The following FAAH2 variants were observed in gnomAD, a reference collection of about 807,000 sequenced individuals.
FAAH2 encodes the protein fatty acid amide hydrolase 2.
Under a neutral mutation model 36.9 loss-of-function variants are expected in FAAH2, and 60 were observed. The observed-to-expected ratio is 1.63, with a 90% CI of 1.32 to 2.02. The LOEUF (loss-of-function observed/expected upper bound fraction) is 2.02, where lower values mean the gene tolerates loss of function less well. Among genes scored for constraint, FAAH2 ranks in the 30% most tolerant of loss-of-function variants. The pLI, the probability that FAAH2 is intolerant of heterozygous loss-of-function variation, is 0.00. For missense variants in FAAH2, 689 were observed against 397.5 expected, an observed-to-expected ratio of 1.73 and a Z score of -6.23; for synonymous variants, 214 against 143.8, an observed-to-expected ratio of 1.49 and a Z score of -3.49.
intron 7 of FAAH2, among the ~76,000 whole-genome samples, chrX:57,381,362 A>C (rs1447846665): frequency 8.9e-6 from 1 of 111,826 alleles, no homozygotes; most frequent in Non-Finnish European, 1.9e-5. Context: ...TAGAGACAAC[A>C]TTATATATGC....
chrX:57,362,795 G>T (rs1419028902), intron 5 of FAAH2, among the ~76,000 whole-genome samples: 2 of 111,943 alleles, frequency 1.8e-5, no homozygotes, highest in Non-Finnish European at 3.8e-5. Flanking sequence ...TTTTGCACAT[G>T]ACTAGCCAGT....
chrX:57,259,159 T>C, the FAAH2 span, among the ~76,000 whole-genome samples: 1 of 111,748 alleles, frequency 8.9e-6, no homozygotes, highest in Non-Finnish European at 1.9e-5. Context: ...GAAATGTAAA[T>C]TGGTATAGTC....
chrX:57,190,195 C>T, the FAAH2 span, among the ~76,000 whole-genome samples: 1 of 109,808 alleles, frequency 9.1e-6, no homozygotes, highest in Non-Finnish European at 1.9e-5. Context: ...GCCTCCTTAG[C>T]GCTGTCACGG....
chrX:57,376,425 C>T (rs192938510), intron 5 of FAAH2, among the ~76,000 whole-genome samples: 429 of 110,755 alleles, frequency 3.9e-3, no homozygotes, highest in African/African-American at 0.013. Context: ...TGTGATATTC[C>T]ACTCCCTGTG....
At chrX:57,276,619 A>C in the FAAH2 span, among the ~76,000 whole-genome samples, 1 of 111,646 alleles carries the variant, frequency 9.0e-6, no homozygotes, top group Non-Finnish European at 1.9e-5. Flanking sequence ...CCTTCAAAAA[A>C]ATCAATGAAT....
rs1254299296 is a variant in FAAH2, at chrX:57,325,432, A to G, written c.413-6166A>G. Among the ~76,000 whole-genome samples, 3 of 111,266 alleles carry G rather than the reference A, an allele frequency of 2.7e-5. No individual in the cohort carries two copies. The East Asian group carries it at 8.5e-4, about 32-fold the overall frequency. On this transcript the variant is annotated intron_variant, in intron 3 of 10. Coordinates refer to ENST00000374900, the MANE Select transcript of FAAH2 (RefSeq NM_174912.4). ...AGGAGTGGTACCAGCTCCTTCTTGT[A>G]CCTCTGGTAGAATTCTGCTGTGAAT...
At chrX:57,421,147 G>A (rs895010834) in intron 7 of FAAH2, among the ~76,000 whole-genome samples, 6 of 112,254 alleles carry the variant, frequency 5.3e-5, no homozygotes, top group Non-Finnish European at 1.1e-4. Flanking sequence ...TTATCAAGAA[G>A]CCACAAAGGT....
At chrX:57,202,066 T>A in the FAAH2 span, among the ~76,000 whole-genome samples, 1 of 84,228 alleles carries the variant, frequency 1.2e-5, no homozygotes, top group African/African-American at 7.7e-5. Flanking sequence ...TTTTTTGAGT[T>A]TCCTCACACA....
At chrX:57,417,582 G>T (rs959173116) in intron 7 of FAAH2, among the ~76,000 whole-genome samples, 1 of 112,079 alleles carries the variant, frequency 8.9e-6, no homozygotes, top group Non-Finnish European at 1.9e-5. Flanking sequence ...AAAGATTGCT[G>T]CCTGTTTCTT....
chrX:57,204,583 C>G, the FAAH2 span, among the ~76,000 whole-genome samples: 1 of 112,005 alleles, frequency 8.9e-6, no homozygotes, highest in African/African-American at 3.2e-5. Flanking sequence ...TGGAGAAACA[C>G]AAGCATAACC....
intron 2 of FAAH2, among the ~76,000 whole-genome samples, chrX:57,300,554 G>T (rs1465842117): frequency 8.9e-6 from 1 of 111,748 alleles, no homozygotes; most frequent in African/African-American, 3.3e-5. Context: ...CATGGACAAG[G>T]ACTTCATGTC....
chrX:57,443,000 C>T (rs910619262), intron 8 of FAAH2, among the ~76,000 whole-genome samples: 1 of 111,800 alleles, frequency 8.9e-6, no homozygotes, highest in Admixed American at 9.5e-5. Context: ...GATGGGCTTC[C>T]CTTTGTGGGT....
At chrX:57,230,218 G>A in the FAAH2 span, among the ~76,000 whole-genome samples, 6 of 111,851 alleles carry the variant, frequency 5.4e-5, no homozygotes, top group East Asian at 1.7e-3. Flanking sequence ...ATTCTTTCCC[G>A]TGTTCTTACT....
intron 10 of FAAH2, among the ~76,000 whole-genome samples, chrX:57,456,047 C>A (rs986536868): frequency 9.0e-6 from 1 of 111,718 alleles, no homozygotes; most frequent in East Asian, 2.8e-4. Context: ...CCACCACATC[C>A]TTGGACATAA....
At chrX:57,217,207 A>AT in the FAAH2 span, among the ~76,000 whole-genome samples, 1 of 10,656 alleles carries the variant, frequency 9.4e-5, no homozygotes, top group Non-Finnish European at 1.6e-4. Context: ...GATTGTGAAG[A>AT]TTTTCTCCCA....
At chrX:57,443,322 T>TC (rs2056604352) in intron 8 of FAAH2, among the ~76,000 whole-genome samples, 2 of 111,896 alleles carry the variant, frequency 1.8e-5, no homozygotes, top group African/African-American at 3.3e-5. Context: ...TACTCGTTTT[T>TC]CTCTAAACTT....
intron 3 of FAAH2, among the ~76,000 whole-genome samples, chrX:57,328,788 C>T (rs1165375663): frequency 9.0e-6 from 1 of 111,636 alleles, no homozygotes; most frequent in Non-Finnish European, 1.9e-5. Flanking sequence ...AAGGTAGGTT[C>T]ATTTGACTGG....
At chrX:57,310,839 C>T in intron 3 of FAAH2, 110 bp downstream of exon 3, 1 of 816,613 alleles carries the variant, frequency 1.2e-6, no homozygotes, top group Non-Finnish European at 1.7e-6. Flanking sequence ...ACTCATGCTG[C>T]TTCCTCAGTT....
chrX:57,137,268 T>C, the FAAH2 span: 4 of 761,493 alleles, frequency 5.3e-6, no homozygotes, highest in Non-Finnish European at 6.2e-6. Flanking sequence ...ACCTCGATGC[T>C]GCCTCTGCTG....
Sources: gnomAD v4.1 joint callset for allele counts (sites outside exome capture counted in the v4.1 genomes callset) on GRCh38, gnomAD v4.1.1 for gene constraint, MANE v1.5 for transcripts, NCBI Gene and HGNC (gene_info 2026-07-23, HGNC 2026-07-21) for gene names.